EDN1: variants seen among roughly 807,000 people sequenced by gnomAD.
The protein encoded by EDN1 is endothelin-1.
EDN1 carries 11 observed loss-of-function variants against 21.7 expected under a neutral mutation model. The observed-to-expected ratio is 0.51, with a 90% CI of 0.32 to 0.84. EDN1 has a LOEUF of 0.84. Among genes scored for constraint, EDN1 ranks in the 40% least tolerant of loss-of-function variants. The pLI is 0.03. For missense variants in EDN1, 244 were observed against 262.3 expected, an observed-to-expected ratio of 0.93 and a Z score of 0.48; for synonymous variants, 85 against 90.6, an observed-to-expected ratio of 0.94 and a Z score of 0.35.
At chr6:12,233,963 G>A in the EDN1 span, among the ~76,000 whole-genome samples, 1 of 152,074 alleles carries the variant, frequency 6.6e-6, no homozygotes, top group Non-Finnish European at 1.5e-5. Context: ...CCAAATAAAG[G>A]CTTCAGCTTT....
the EDN1 span, among the ~76,000 whole-genome samples, chr6:12,233,356 G>T: frequency 1.3e-5 from 2 of 152,170 alleles, no homozygotes; most frequent in African/African-American, 4.8e-5. Flanking sequence ...CTGATTCACA[G>T]AATTCTAGCA....
chr6:12,268,991 T>C, the EDN1 span, among the ~76,000 whole-genome samples: 1 of 152,154 alleles, frequency 6.6e-6, no homozygotes, highest in South Asian at 2.1e-4. Flanking sequence ...TTTATTTGTG[T>C]CCTCTTCAAT....
the EDN1 span, among the ~76,000 whole-genome samples, chr6:12,266,470 A>T: frequency 6.6e-6 from 1 of 152,272 alleles, no homozygotes; most frequent in African/African-American, 2.4e-5. Flanking sequence ...TTACTGATCT[A>T]ATGGGGATCC....
chr6:12,281,822 G>A, the EDN1 span, among the ~76,000 whole-genome samples: 2 of 152,138 alleles, frequency 1.3e-5, no homozygotes. Flanking sequence ...TTCCCTAGAA[G>A]GGATCGAAGC....
the EDN1 span, among the ~76,000 whole-genome samples, chr6:12,252,285 A>T: frequency 2.0e-5 from 3 of 152,218 alleles, no homozygotes; most frequent in Non-Finnish European, 2.9e-5. Flanking sequence ...CTCTGTTGCT[A>T]CTTGCAGAAA....
intron 4 of EDN1, 125 bp from the exon 5 acceptor site, chr6:12,295,837 G>A (rs780106562): frequency 1.2e-5 from 10 of 822,904 alleles, no homozygotes; most frequent in East Asian, 2.7e-5. Flanking sequence ...GAGTTGCGGC[G>A]GGTGGTGAAA....
At chr6:12,243,118 C>A in the EDN1 span, among the ~76,000 whole-genome samples, 6 of 151,958 alleles carry the variant, frequency 3.9e-5, no homozygotes, top group Admixed American at 2.0e-4. Flanking sequence ...CAATTAACAC[C>A]CATTTTGTAT....
Position 12,292,382 on chromosome 6 carries a change from G to C in EDN1, c.106G>C (p.Gly36Arg), listed in dbSNP as rs183694577. 1 of 1,613,958 alleles carries C rather than the reference G, an allele frequency of 6.2e-7. No individual in the cohort carries two copies. The highest frequency in any genetic ancestry group is 1.7e-5 in the Admixed American group (1 of 60,034). ...AELSAVGENG[G>R]EKPTPSPPWR... ...GCTCAGCGCGGTGGGTGAGAACGGC[G>C]GGGAGAAACCCACTCCCAGTCCACC... The change falls in exon 2 of 5, where the codon GGG becomes CGG. Residue 36 changes from glycine (G) to arginine (R), a missense_variant. Gly to Arg is a moderately radical substitution (Grantham distance 125). Coordinates refer to ENST00000379375, the MANE Select transcript of EDN1 (RefSeq NM_001955.5).
the EDN1 span, among the ~76,000 whole-genome samples, chr6:12,254,626 AAAAT>A: frequency 6.6e-6 from 1 of 152,242 alleles, no homozygotes; most frequent in African/African-American, 2.4e-5. Flanking sequence ...GGAAAAGAGA[AAAAT>A]AAGCCAAAAG....
upstream of EDN1, among the ~76,000 whole-genome samples, chr6:12,288,519 G>C (rs2854240): frequency 8.1e-6 from 1 of 123,282 alleles, no homozygotes; most frequent in Admixed American, 7.4e-5. Flanking sequence ...GGAGGCCAGG[G>C]GCCCCGGCAG....
the EDN1 span, among the ~76,000 whole-genome samples, chr6:12,251,499 C>G: frequency 6.6e-6 from 1 of 152,174 alleles, no homozygotes; most frequent in Admixed American, 6.5e-5. Context: ...TTAGGTGACC[C>G]TGATAGAAGT....
rs1385612580 is a variant in EDN1 at position 12,290,427 on chromosome 6, G to GC, written c.-201dup. On this transcript the variant is annotated 5_prime_UTR_variant, in exon 1 of 5. Coordinates refer to ENST00000379375, the MANE Select transcript of EDN1 (RefSeq NM_001955.5). ...CCTCCTGCAGTCCCAGCTCTCCACC[G>GC]CCGCGTGCGCCTGCAGACGCTCCGC... 1 of 594,194 alleles carries GC rather than the reference G, an allele frequency of 1.7e-6. No homozygotes were observed. The highest frequency in any genetic ancestry group is 3.0e-6 in the Non-Finnish European group (1 of 334,622). The allele number at this position is 594,194 out of a possible 1,614,324, so 36.8% of individuals were successfully genotyped here. A position where few individuals can be genotyped will look rare whatever the true frequency, so the allele number is the denominator to read the frequency against.
the EDN1 span, among the ~76,000 whole-genome samples, chr6:12,272,813 G>A: frequency 6.6e-6 from 1 of 152,176 alleles, no homozygotes; most frequent in Non-Finnish European, 1.5e-5. Flanking sequence ...AGCCTTGAAA[G>A]AGAAAAGAAG....
upstream of EDN1, among the ~76,000 whole-genome samples, chr6:12,287,181 GA>G (rs67690443): frequency 0.28 from 41,825 of 147,350 alleles, 6,675 homozygotes; most frequent in African/African-American, 0.44. Flanking sequence ...TTCTATTGGG[GA>G]AAAAAAAAAA....
chr6:12,261,034 C>T, the EDN1 span, among the ~76,000 whole-genome samples: 1 of 152,082 alleles, frequency 6.6e-6, no homozygotes, highest in African/African-American at 2.4e-5. Flanking sequence ...GAAATTGCTT[C>T]TAAGAAAATA....
intron 2 of EDN1, 43 bp downstream of exon 2, chr6:12,292,552 G>A (rs1237278263): frequency 2.5e-6 from 4 of 1,611,634 alleles, no homozygotes; most frequent in Non-Finnish European, 2.5e-6. Context: ...ATTCATTAGC[G>A]CTGGCTCCAC....
At chr6:12,291,225 CCCCCG>C (rs1017069301) in intron 1 of EDN1, among the ~76,000 whole-genome samples, 24 of 99,596 alleles carry the variant, frequency 2.4e-4, no homozygotes, top group East Asian at 8.3e-4. Context: ...CCTCCCCCCC[CCCCCG>C]CCACCACCCC....
the EDN1 span, among the ~76,000 whole-genome samples, chr6:12,267,796 G>T: frequency 6.6e-6 from 1 of 152,186 alleles, no homozygotes; most frequent in African/African-American, 2.4e-5. Context: ...TTTCATACTA[G>T]AGAGAAGTCA....
chr6:12,233,962 G>C, the EDN1 span, among the ~76,000 whole-genome samples: 1 of 152,104 alleles, frequency 6.6e-6, no homozygotes, highest in Non-Finnish European at 1.5e-5. Flanking sequence ...ACCAAATAAA[G>C]GCTTCAGCTT....
Sources: allele counts gnomAD v4.1 joint callset (sites outside exome capture counted in the v4.1 genomes callset), GRCh38; gene constraint gnomAD v4.1.1; transcripts MANE v1.5; gene names NCBI Gene and HGNC (gene_info 2026-07-23, HGNC 2026-07-21).